NBAS: variants seen among roughly 807,000 people sequenced by gnomAD.
NBAS encodes NAG/BC035112 fusion.
In NBAS, 219 loss-of-function variants were observed where a neutral mutation model predicts 302.5. The ratio of observed to expected loss-of-function variants is 0.72; its 90% CI spans 0.65 to 0.81. The LOEUF (loss-of-function observed/expected upper bound fraction) is 0.81, where lower values mean the gene tolerates loss of function less well. NBAS is among the 30% of genes least tolerant of loss of function. NBAS has a pLI of 0.00. For missense variants in NBAS, 2,932 were observed against 2,841.6 expected (o/e 1.03, Z -0.72); for synonymous variants, 1,118 against 1,021.6 (o/e 1.09, Z -1.80).
chr2:15,444,702 T>G (rs1304767945), intron 21 of NBAS, among the ~76,000 whole-genome samples: 4 of 151,070 alleles, frequency 2.6e-5, no homozygotes, highest in Admixed American at 1.3e-4. Context: ...GAAACTACCA[T>G]CAGAGTGAAC....
the NBAS span, among the ~76,000 whole-genome samples, chr2:14,812,899 T>C: frequency 1.3e-5 from 2 of 152,292 alleles, no homozygotes; most frequent in Admixed American, 1.3e-4. Flanking sequence ...TGGTTTCCTA[T>C]GGTTTAGCAC....
intron 16 of NBAS, among the ~76,000 whole-genome samples, chr2:15,469,911 CA>C (rs1558368507): frequency 2.0e-5 from 3 of 151,830 alleles, no homozygotes; most frequent in Admixed American, 6.6e-5. Context: ...GGGTGCAGCA[CA>C]CCACCATGGC....
intron 11 of NBAS, among the ~76,000 whole-genome samples, chr2:15,500,209 C>T (rs1027946634): frequency 1.3e-5 from 2 of 152,034 alleles, no homozygotes; most frequent in African/African-American, 4.8e-5. Context: ...CTGTAACTTT[C>T]AAATATACAA....
chr2:14,974,824 C>A, the NBAS span, among the ~76,000 whole-genome samples: 2 of 152,144 alleles, frequency 1.3e-5, no homozygotes, highest in African/African-American at 4.8e-5. Flanking sequence ...TTGTTTTATA[C>A]GACACAGTTC....
chr2:15,499,017 C>A (rs1389999642), intron 11 of NBAS, among the ~76,000 whole-genome samples: 2 of 151,788 alleles, frequency 1.3e-5, no homozygotes, highest in African/African-American at 4.8e-5. Context: ...TAACCTCTAC[C>A]TCCTGGGTTC....
the NBAS span, among the ~76,000 whole-genome samples, chr2:15,059,927 G>C: frequency 6.8e-6 from 1 of 147,366 alleles, no homozygotes; most frequent in Non-Finnish European, 1.5e-5. Flanking sequence ...AATGATGGTA[G>C]GGAAGGATAG....
chr2:15,341,836 G>C (rs1352776254), intron 35 of NBAS, among the ~76,000 whole-genome samples: 1 of 152,090 alleles, frequency 6.6e-6, no homozygotes, highest in African/African-American at 2.4e-5. Flanking sequence ...AATGAGCAAA[G>C]TATTTCCTTC....
intron 45 of NBAS, among the ~76,000 whole-genome samples, chr2:15,237,776 T>TC (rs1667667399): frequency 7.0e-6 from 1 of 142,928 alleles, no homozygotes; most frequent in Non-Finnish European, 1.5e-5. Flanking sequence ...TTTGTATTTT[T>TC]TTTTTTTTTT....
intron 35 of NBAS, among the ~76,000 whole-genome samples, chr2:15,347,069 C>T (rs1673126714): frequency 6.6e-6 from 1 of 152,104 alleles, no homozygotes; most frequent in African/African-American, 2.4e-5. Flanking sequence ...CCATGGCACA[C>T]ATATACCTAT....
chr2:15,244,098 T>C (rs942559976), intron 44 of NBAS, among the ~76,000 whole-genome samples: 3 of 152,086 alleles, frequency 2.0e-5, no homozygotes, highest in African/African-American at 7.2e-5. Context: ...ACAGGGGTGA[T>C]ACATCAAAGA....
At chr2:15,014,826 T>C in the NBAS span, among the ~76,000 whole-genome samples, 1 of 151,554 alleles carries the variant, frequency 6.6e-6, no homozygotes, top group East Asian at 1.9e-4. Context: ...GACCAAAAAA[T>C]ATAGATGATC....
At chr2:14,979,317 G>T in the NBAS span, among the ~76,000 whole-genome samples, 1 of 152,150 alleles carries the variant, frequency 6.6e-6, no homozygotes, top group South Asian at 2.1e-4. Context: ...TTGTCTGCTA[G>T]TGTCCTCTTA....
intron 44 of NBAS, among the ~76,000 whole-genome samples, chr2:15,252,926 G>A (rs192834870): frequency 6.6e-6 from 1 of 152,258 alleles, no homozygotes; most frequent in African/African-American, 2.4e-5. Flanking sequence ...AATTAAGTAT[G>A]TGGGTACACC....
intron 44 of NBAS, among the ~76,000 whole-genome samples, chr2:15,273,144 G>A (rs1159494473): frequency 6.6e-6 from 1 of 152,128 alleles, no homozygotes; most frequent in African/African-American, 2.4e-5. Context: ...CAGCCTGAGG[G>A]TGGAGTGGAA....
chr2:14,843,255 A>T, the NBAS span, among the ~76,000 whole-genome samples: 1 of 152,218 alleles, frequency 6.6e-6, no homozygotes, highest in Non-Finnish European at 1.5e-5. Context: ...TAAGATCCGG[A>T]CCAAGACAAG....
intron 18 of NBAS, 97 bp downstream of exon 18, chr2:15,467,567 C>T (rs1679777355): frequency 1.0e-5 from 14 of 1,363,056 alleles, no homozygotes; most frequent in Non-Finnish European, 1.2e-5. Flanking sequence ...ATCTAAGTTG[C>T]TAAAATAATT....
intron 27 of NBAS, among the ~76,000 whole-genome samples, chr2:15,395,152 G>C (rs1170574267): frequency 6.6e-6 from 1 of 152,098 alleles, no homozygotes; most frequent in Non-Finnish European, 1.5e-5. Flanking sequence ...GAAACCTGTA[G>C]GGTGTTAAGT....
At chr2:15,239,596 T>A (rs930700733) in intron 44 of NBAS, among the ~76,000 whole-genome samples, 1 of 151,928 alleles carries the variant, frequency 6.6e-6, no homozygotes, top group African/African-American at 2.4e-5. Flanking sequence ...GTTTCAGATA[T>A]TGGAGCATTT....
intron 51 of NBAS, among the ~76,000 whole-genome samples, chr2:15,173,233 C>T (rs538356148): frequency 6.6e-6 from 1 of 152,302 alleles, no homozygotes; most frequent in South Asian, 2.1e-4. Context: ...GCACTGCTGT[C>T]TTCCAAGCCA....
Sources: gnomAD v4.1 joint callset for allele counts (sites outside exome capture counted in the v4.1 genomes callset) on GRCh38, gnomAD v4.1.1 for gene constraint, MANE v1.5 for transcripts, NCBI Gene and HGNC (gene_info 2026-07-23, HGNC 2026-07-21) for gene names.